The following RIMS2 variants were observed in gnomAD, a reference collection of about 807,000 sequenced individuals.
RIMS2 encodes regulating synaptic membrane exocytosis 2, also known as regulating synaptic membrane exocytosis protein 2.
A neutral mutation model predicts 174.4 loss-of-function variants in RIMS2; 59 were observed. The ratio of observed to expected loss-of-function variants is 0.34; its 90% CI spans 0.27 to 0.42. RIMS2 has a LOEUF of 0.42. Among genes scored for constraint, RIMS2 ranks in the 10% least tolerant of loss-of-function variants. The pLI, the probability that RIMS2 is intolerant of heterozygous loss-of-function variation, is 1.00. For synonymous variants in RIMS2, 606 were observed against 572.5 expected, an observed-to-expected ratio of 1.06 and a Z score of -0.84; for missense variants, 1,620 against 1,666.3, an observed-to-expected ratio of 0.97 and a Z score of 0.48.
chr8:103,637,861 A>G (rs531148875), intron 1 of RIMS2, among the ~76,000 whole-genome samples: 11 of 152,280 alleles, frequency 7.2e-5, no homozygotes, highest in African/African-American at 2.6e-4. Context: ...AATTTGTGAC[A>G]GTTTCTCACT....
chr8:103,608,669 C>T (rs2095245797), intron 1 of RIMS2, among the ~76,000 whole-genome samples: 2 of 151,728 alleles, frequency 1.3e-5, no homozygotes, highest in African/African-American at 2.4e-5. Context: ...ACCCTCTGAG[C>T]CATGTGCAGG....
At chr8:103,705,460 A>G (rs2097213668) in intron 2 of RIMS2, among the ~76,000 whole-genome samples, 1 of 152,082 alleles carries the variant, frequency 6.6e-6, no homozygotes, top group African/African-American at 2.4e-5. Context: ...AGTTAGGTCC[A>G]TTTGGTCTAG....
intron 1 of RIMS2, among the ~76,000 whole-genome samples, chr8:103,645,652 A>C (rs1370886174): frequency 1.3e-5 from 2 of 152,148 alleles, no homozygotes; most frequent in African/African-American, 2.4e-5. Flanking sequence ...ACCAAATTTC[A>C]GAGGCCTTTA....
intron 19 of RIMS2, among the ~76,000 whole-genome samples, chr8:104,221,732 CTTAT>C (rs2099156346): frequency 6.6e-6 from 1 of 152,120 alleles, no homozygotes; most frequent in Non-Finnish European, 1.5e-5. Context: ...CCATGGAACT[CTTAT>C]TTATACTGAA....
At chr8:103,582,795 A>G (rs991215544) in intron 1 of RIMS2, among the ~76,000 whole-genome samples, 2 of 152,270 alleles carry the variant, frequency 1.3e-5, no homozygotes, top group East Asian at 3.9e-4. Context: ...GTAGACTTCT[A>G]AGGTTTTTGA....
intron 19 of RIMS2, among the ~76,000 whole-genome samples, chr8:104,059,289 C>A (rs1436331357): frequency 1.3e-5 from 2 of 149,000 alleles, no homozygotes; most frequent in African/African-American, 4.9e-5. Context: ...CTTCACATCC[C>A]TTGTAAGTTG....
At chr8:104,011,497 A>C (rs543558739) in intron 17 of RIMS2, among the ~76,000 whole-genome samples, 1 of 152,248 alleles carries the variant, frequency 6.6e-6, no homozygotes, top group South Asian at 2.1e-4. Context: ...TTTTATAAAT[A>C]ATGGTCTCCT....
intron 19 of RIMS2, among the ~76,000 whole-genome samples, chr8:104,143,304 T>G (rs756276175): frequency 3.3e-5 from 5 of 152,236 alleles, no homozygotes; most frequent in Non-Finnish European, 5.9e-5. Flanking sequence ...TAATTTCAGC[T>G]ACCACATTTT....
intron 17 of RIMS2, among the ~76,000 whole-genome samples, chr8:104,011,170 C>A (rs1305398414): frequency 6.6e-6 from 1 of 152,058 alleles, no homozygotes; most frequent in Non-Finnish European, 1.5e-5. Context: ...GCTAGTCAGA[C>A]CTATTTTTAT....
intron 19 of RIMS2, among the ~76,000 whole-genome samples, chr8:104,132,964 C>T (rs1229285007): frequency 6.6e-6 from 1 of 152,110 alleles, no homozygotes; most frequent in African/African-American, 2.4e-5. Context: ...TTTAACAAGC[C>T]CTCCAGGTAA....
chr8:103,898,880 C>G (rs992589736), intron 4 of RIMS2, among the ~76,000 whole-genome samples: 2 of 151,296 alleles, frequency 1.3e-5, no homozygotes, highest in East Asian at 3.9e-4. Context: ...CCACTCCCCC[C>G]ACCCCACAAC....
intron 19 of RIMS2, among the ~76,000 whole-genome samples, chr8:104,066,690 T>C (rs1306766503): frequency 6.6e-6 from 1 of 152,160 alleles, no homozygotes; most frequent in Non-Finnish European, 1.5e-5. Flanking sequence ...TTATATGTCA[T>C]TCAAATTATA....
intron 2 of RIMS2, among the ~76,000 whole-genome samples, chr8:103,732,004 G>A (rs1239430225): frequency 1.3e-5 from 2 of 152,204 alleles, no homozygotes; most frequent in Admixed American, 6.5e-5. Flanking sequence ...GTTTGTTGAT[G>A]TCTGGGCATT....
intron 3 of RIMS2, among the ~76,000 whole-genome samples, chr8:103,881,851 G>C (rs1427560779): frequency 6.6e-6 from 1 of 151,376 alleles, no homozygotes; most frequent in East Asian, 1.9e-4. Context: ...GCAATAAAGA[G>C]AAGTGAATCG....
chr8:104,057,782 T>C (rs13260569), intron 19 of RIMS2, among the ~76,000 whole-genome samples: 32,065 of 138,570 alleles, frequency 0.23, 3,368 homozygotes, highest in South Asian at 0.32. Flanking sequence ...TGTGTTCTCA[T>C]TGTTCAATTC....
At chr8:103,935,823 T>C (rs1213047049) in intron 12 of RIMS2, among the ~76,000 whole-genome samples, 3 of 152,190 alleles carry the variant, frequency 2.0e-5, no homozygotes, top group Non-Finnish European at 4.4e-5. Flanking sequence ...GTTTCTGTTT[T>C]AGTATATTTC....
At chr8:103,893,755 T>C (rs932922357) in intron 4 of RIMS2, among the ~76,000 whole-genome samples, 2 of 152,086 alleles carry the variant, frequency 1.3e-5, no homozygotes, top group Non-Finnish European at 2.9e-5. Context: ...GGTTCTTTCA[T>C]TGATACTTTT....
In RIMS2 at chr8:104,213,067, A is replaced by G. The variant is rs191251676; in HGVS notation, c.3335-31849A>G. 1.9e-3 allele frequency among the ~76,000 whole-genome samples: 296 copies of G among 152,256 alleles called. 2 individuals carry two copies. Among genetic ancestry groups the G allele is most frequent in the African/African-American group, 7.0e-3 (292 of 41,540 alleles). On this transcript the variant is annotated intron_variant, in intron 19 of 23. Coordinates refer to ENST00000504942, the Ensembl canonical transcript of RIMS2. ...CTGGGTGCGGTGGCTCAACCCTGTA[A>G]TCCCAGCACTTTGGGAGACGGATCA... is the stretch of plus-strand genomic sequence containing the variant.
intron 1 of RIMS2, chr8:103,568,691 A>G (rs752622676): frequency 9.8e-5 from 71 of 724,308 alleles, no homozygotes; most frequent in Non-Finnish European, 1.5e-4. Flanking sequence ...TAGCAGCTTC[A>G]TGGTTTTGTT....
Sources: gnomAD v4.1 joint callset for allele counts (sites outside exome capture counted in the v4.1 genomes callset) on GRCh38, gnomAD v4.1.1 for gene constraint, MANE v1.5 for transcripts, NCBI Gene and HGNC (gene_info 2026-07-23, HGNC 2026-07-21) for gene names.